The following PTPN21 variants were observed in gnomAD, a reference collection of about 807,000 sequenced individuals.
The protein encoded by PTPN21 is protein tyrosine phosphatase non-receptor type 21.
Under a neutral mutation model 131.8 loss-of-function variants are expected in PTPN21, and 77 were observed. That is an observed-to-expected ratio of 0.58 (90% CI 0.49 to 0.71). The LOEUF is 0.71. PTPN21 is among the 30% of genes least tolerant of loss of function. PTPN21 has a pLI of 0.00. For synonymous variants in PTPN21, 715 were observed against 621.3 expected (o/e 1.15, Z -2.24); for missense variants, 1,552 against 1,527.1 (o/e 1.02, Z -0.27).
intron 2 of PTPN21, among the ~76,000 whole-genome samples, chr14:88,541,073 C>T (rs1405116992): frequency 6.6e-6 from 1 of 152,170 alleles, no homozygotes; most frequent in Non-Finnish European, 1.5e-5. Context: ...AATAACAAAA[C>T]TACTCTGCCC....
chr14:88,532,681 T>C (rs932071287), intron 2 of PTPN21, among the ~76,000 whole-genome samples: 2 of 152,098 alleles, frequency 1.3e-5, no homozygotes, highest in Non-Finnish European at 2.9e-5. Context: ...CCAAAGCAGA[T>C]TAAAAGATGA....
chr14:88,468,862 C>T, intron 18 of PTPN21, 54 bp downstream of exon 18: 5 of 1,609,782 alleles, frequency 3.1e-6, no homozygotes, highest in Non-Finnish European at 3.4e-6. Context: ...ATGTCCCTCT[C>T]TTCCCCAGCC....
At chr14:88,492,917 C>T in intron 10 of PTPN21, 1 of 355,038 alleles carries the variant, frequency 2.8e-6, no homozygotes, top group Non-Finnish European at 5.6e-6. Flanking sequence ...AGACCCTGCC[C>T]TCATGGAGCT....
chr14:88,504,986 C>T (rs1202154795), intron 5 of PTPN21, among the ~76,000 whole-genome samples: 1 of 152,144 alleles, frequency 6.6e-6, no homozygotes, highest in African/African-American at 2.4e-5. Flanking sequence ...GGTTTCAAAC[C>T]TTCAGTTAAA....
chr14:88,521,754 C>T (rs906966081), intron 2 of PTPN21, among the ~76,000 whole-genome samples: 1 of 152,008 alleles, frequency 6.6e-6, no homozygotes, highest in Non-Finnish European at 1.5e-5. Context: ...CTTAAAAATA[C>T]CCTTTGAATA....
intron 10 of PTPN21, among the ~76,000 whole-genome samples, chr14:88,494,047 T>A (rs928226778): frequency 2.6e-5 from 4 of 151,796 alleles, no homozygotes; most frequent in African/African-American, 9.7e-5. Flanking sequence ...AACAAACAAA[T>A]ATAGAAATTC....
rs2077488076 is a variant in PTPN21, at chr14:88,472,558, A to G, written c.2650-93T>C. The G allele has an allele frequency of 5.0e-6, 4 of 796,990 alleles. No homozygotes were observed. The South Asian group carries it at 7.0e-5, about 14-fold the overall frequency. The allele number at this position is 796,990 out of a possible 1,614,324, so 49.4% of individuals were successfully genotyped here. Reference sequence around the variant, plus strand: ...TTTGAAATCTTGTTTTCTGCTTCAAATCTAGCACTGTATAATATTGAAAAT... The same window carrying G: ...TTTGAAATCTTGTTTTCTGCTTCAAGTCTAGCACTGTATAATATTGAAAAT... On this transcript the variant is annotated intron_variant, in intron 14 of 18. Coordinates refer to ENST00000556564, the MANE Select transcript of PTPN21 (RefSeq NM_007039.4).
At chr14:88,475,588 A>G (rs1273111879) in intron 13 of PTPN21, among the ~76,000 whole-genome samples, 1 of 152,220 alleles carries the variant, frequency 6.6e-6, no homozygotes, top group Non-Finnish European at 1.5e-5. Context: ...CTGAAATTTA[A>G]TGATTCTAAC....
At chr14:88,500,956 A>G (rs1330873598) in intron 7 of PTPN21, 85 bp from the exon 8 acceptor site, 2 of 972,654 alleles carry the variant, frequency 2.1e-6, no homozygotes, top group African/African-American at 3.2e-5. Flanking sequence ...GGTTTCCCAG[A>G]TGTAGAAAGT....
At chr14:88,497,114 C>T in intron 9 of PTPN21, 89 bp downstream of exon 9, 1 of 1,031,510 alleles carries the variant, frequency 9.7e-7, no homozygotes, top group East Asian at 2.4e-5. Flanking sequence ...TTAATGCTGC[C>T]CTGCCTCCAA....
chr14:88,549,597 T>C (rs1448036853), intron 2 of PTPN21, among the ~76,000 whole-genome samples: 1 of 151,946 alleles, frequency 6.6e-6, no homozygotes, highest in African/African-American at 2.4e-5. Flanking sequence ...CTGTCGTGTT[T>C]TTTTTATTTA....
At position 88,485,857 on chromosome 14, in the gene PTPN21, G is replaced by A; in HGVS notation, c.933-15C>T. Reference sequence around the variant, plus strand: ...TCTGAGTTTGCCTATAAAATAGGATGACTCTGAGAAGAGCACATACACACT... The same window carrying A: ...TCTGAGTTTGCCTATAAAATAGGATAACTCTGAGAAGAGCACATACACACT... On this transcript the variant is annotated splice_polypyrimidine_tract_variant and intron_variant, in intron 10 of 18. Transcript: ENST00000556564. 1.9e-6 allele frequency: 3 copies of A among 1,560,810 alleles called. No individual in the cohort carries two copies. The highest frequency in any genetic ancestry group is 2.2e-5 in the South Asian group (2 of 88,940).
chr14:88,543,678 GT>G (rs1000250143), intron 2 of PTPN21, among the ~76,000 whole-genome samples: 1 of 152,178 alleles, frequency 6.6e-6, no homozygotes, highest in African/African-American at 2.4e-5. Context: ...ACTTGACATT[GT>G]GTGTAACGCA....
chr14:88,511,923 C>A (rs546622107), intron 3 of PTPN21, among the ~76,000 whole-genome samples: 1 of 152,270 alleles, frequency 6.6e-6, no homozygotes, highest in African/African-American at 2.4e-5. Context: ...CCCCATTTTG[C>A]ACAACAGAAA....
chr14:88,470,819 A>G lies in PTPN21; in HGVS notation c.2872-769T>C, dbSNP rs529243946. Among the ~76,000 whole-genome samples the G allele has an allele frequency of 2.2e-4, 33 of 152,344 alleles. No individual in the cohort carries two copies. In the East Asian group the frequency reaches 5.4e-3, roughly 25 times the overall value. On this transcript the variant is annotated intron_variant, in intron 15 of 18. Coordinates refer to ENST00000556564, the MANE Select transcript of PTPN21 (RefSeq NM_007039.4). ...AAACACTAGGGAGGAGGAGGGGACTAGTGAGAAGCTGGCAGGGTAGGTGTC... is the reference window on the plus strand; with the variant it reads ...AAACACTAGGGAGGAGGAGGGGACTGGTGAGAAGCTGGCAGGGTAGGTGTC...
rs188004384 is a variant in PTPN21, at chr14:88,505,661, A to C, written c.449-290T>G. 1.2e-3 allele frequency among the ~76,000 whole-genome samples: 176 copies of C among 152,366 alleles called. 4 individuals are homozygous for C. Among genetic ancestry groups the C allele is most frequent in the African/African-American group, 4.0e-3 (166 of 41,600 alleles). On this transcript the variant is annotated intron_variant, in intron 4 of 18. Transcript: ENST00000556564. ...AAAATGCAAACAAAACCTACCCTGT[A>C]ATCATATATGCTTGCTTATGTACAG...
chr14:88,524,436 T>A (rs1452358026), intron 2 of PTPN21, among the ~76,000 whole-genome samples: 3 of 152,144 alleles, frequency 2.0e-5, no homozygotes, highest in Non-Finnish European at 4.4e-5. Context: ...AAGAATGAAG[T>A]TGGATCCCTA....
intron 12 of PTPN21, among the ~76,000 whole-genome samples, chr14:88,483,409 A>C (rs543390681): frequency 6.6e-6 from 1 of 152,064 alleles, no homozygotes; most frequent in Non-Finnish European, 1.5e-5. Flanking sequence ...AGACAAGGGC[A>C]GGGTGCAAGA....
At position 88,554,029 on chromosome 14, in the gene PTPN21, TAAAAA is replaced by T. The variant is rs751895090; in HGVS notation, c.-203+617_-203+621del. Reference sequence around the variant, plus strand: ...TAAAATTACTGTCGTGTCCCAAACTTAAAAAAATAAATAAACTGTCAGCAACTATT... The same window carrying T: ...TAAAATTACTGTCGTGTCCCAAACTTAATAAATAAACTGTCAGCAACTATT... On this transcript the variant is annotated intron_variant, in intron 1 of 18. Coordinates refer to ENST00000556564, the MANE Select transcript of PTPN21 (RefSeq NM_007039.4). Among the ~76,000 whole-genome samples the T allele has an allele frequency of 8.5e-5, 13 of 152,096 alleles. No individual in the cohort carries two copies. In the East Asian group the frequency reaches 2.1e-3, roughly 25 times the overall value.
Sources: gnomAD v4.1 joint callset for allele counts (sites outside exome capture counted in the v4.1 genomes callset) on GRCh38, gnomAD v4.1.1 for gene constraint, MANE v1.5 for transcripts, NCBI Gene and HGNC (gene_info 2026-07-23, HGNC 2026-07-21) for gene names.